The following CSMD2 variants were observed in gnomAD, a reference collection of about 807,000 sequenced individuals.
CSMD2 encodes the protein CUB and Sushi multiple domains 2, also known as CUB and sushi domain-containing protein 2.
A neutral mutation model predicts 398.5 loss-of-function variants in CSMD2; 130 were observed. The observed-to-expected ratio is 0.33, with a 90% CI of 0.28 to 0.38. The LOEUF (loss-of-function observed/expected upper bound fraction) is 0.38. Ranked by LOEUF, CSMD2 falls within the 10% of genes least tolerant of loss-of-function variation. CSMD2 has a pLI of 1.00. For synonymous variants in CSMD2, 1,828 were observed against 1,908.5 expected (o/e 0.96, Z 1.10); for missense variants, 3,829 against 4,764.9 (o/e 0.80, Z 5.78).
At chr1:33,736,208 A>G (rs1352782444) in intron 15 of CSMD2, among the ~76,000 whole-genome samples, 1 of 152,228 alleles carries the variant, frequency 6.6e-6, no homozygotes, top group Non-Finnish European at 1.5e-5. Flanking sequence ...TAACTTTAAA[A>G]TGAAGACCTT....
At position 33,820,474 on chromosome 1, in the gene CSMD2, A is replaced by G; in HGVS notation, c.1194T>C (p.Asp398=). The change falls in exon 8 of 71, where the codon GAT becomes GAC. Residue 398 remains aspartate, a synonymous_variant. Coordinates refer to ENST00000373381, the MANE Select transcript of CSMD2 (RefSeq NM_001281956.2). ...IPERGKRLGS[D]FRLGSSVQFT... ...AATTCCCAAATAGATCTTACCTGAA[A>G]TCCGAGCCTAGTCTTTTGCCCCTTT... is the stretch of plus-strand genomic sequence containing the variant. 6.2e-7 allele frequency: 1 copy of G among 1,607,706 alleles called. No individual in the cohort carries two copies. Among genetic ancestry groups the G allele is most frequent in the East Asian group, 2.2e-5 (1 of 44,598 alleles).
At chr1:34,029,407 T>C (rs1039866563) in intron 3 of CSMD2, among the ~76,000 whole-genome samples, 2 of 152,232 alleles carry the variant, frequency 1.3e-5, no homozygotes. Context: ...CCGATTCAGT[T>C]GCCTGTTGAA....
At chr1:33,583,909 C>T in intron 46 of CSMD2, 79 bp from the exon 47 acceptor site, 1 of 1,186,554 alleles carries the variant, frequency 8.4e-7, no homozygotes, top group East Asian at 2.3e-5. Context: ...TTTCCCAATA[C>T]TAAAGACAAC....
intron 1 of CSMD2, among the ~76,000 whole-genome samples, chr1:34,112,441 C>T (rs920643391): frequency 6.6e-6 from 1 of 152,192 alleles, no homozygotes; most frequent in Non-Finnish European, 1.5e-5. Flanking sequence ...TCTATAGGCA[C>T]TCCAGCCATG....
At chr1:33,729,448 G>C (rs963421583) in intron 15 of CSMD2, among the ~76,000 whole-genome samples, 1 of 148,286 alleles carries the variant, frequency 6.7e-6, no homozygotes, top group African/African-American at 2.5e-5. Flanking sequence ...TTGGAGGGGA[G>C]GATTCTTTTT....
intron 4 of CSMD2, among the ~76,000 whole-genome samples, chr1:33,921,183 G>A (rs1015789536): frequency 6.6e-6 from 1 of 152,084 alleles, no homozygotes; most frequent in Non-Finnish European, 1.5e-5. Context: ...AGCTTCCCAG[G>A]CCCCAGAAAG....
rs143335273 is a variant in CSMD2, at chr1:33,604,258, C to T, written c.6532+1024G>A. ...ACAGCACGTGATGGGCCAACAATTGCGGAATGACCAACTGGTTACGCAGAG... is the reference window on the plus strand; with the variant it reads ...ACAGCACGTGATGGGCCAACAATTGTGGAATGACCAACTGGTTACGCAGAG... On this transcript the variant is annotated intron_variant, in intron 42 of 70. Coordinates refer to ENST00000373381, the MANE Select transcript of CSMD2 (RefSeq NM_001281956.2). Among the ~76,000 whole-genome samples, 40 of 152,282 alleles carry T rather than the reference C, an allele frequency of 2.6e-4. 1 individual carries two copies. Among genetic ancestry groups the T allele is most frequent in the Admixed American group, 1.1e-3 (17 of 15,298 alleles).
At chr1:33,555,706 G>A (rs561357996) in intron 55 of CSMD2, among the ~76,000 whole-genome samples, 3 of 152,148 alleles carry the variant, frequency 2.0e-5, no homozygotes, top group Non-Finnish European at 4.4e-5. Context: ...GACTTGCTAA[G>A]GGCTCAGATG....
intron 5 of CSMD2, among the ~76,000 whole-genome samples, chr1:33,903,720 A>G (rs1352951720): frequency 6.6e-6 from 1 of 152,238 alleles, no homozygotes; most frequent in Admixed American, 6.5e-5. Context: ...ATACGTAAGT[A>G]AGCAAGAAAA....
intron 10 of CSMD2, among the ~76,000 whole-genome samples, chr1:33,808,494 C>T (rs946577711): frequency 3.3e-5 from 5 of 151,894 alleles, no homozygotes; most frequent in Non-Finnish European, 7.4e-5. Context: ...CTAAATAGCT[C>T]ATGCTTAAAA....
chr1:33,637,790 CAGA>C (rs1380901441), intron 29 of CSMD2, among the ~76,000 whole-genome samples: 2 of 152,100 alleles, frequency 1.3e-5, no homozygotes, highest in African/African-American at 4.8e-5. Flanking sequence ...ACAGTCCTTG[CAGA>C]AGGACTCAGA....
intron 32 of CSMD2, among the ~76,000 whole-genome samples, chr1:33,631,360 C>T (rs193062131): frequency 2.2e-4 from 33 of 151,832 alleles, no homozygotes; most frequent in Admixed American, 1.9e-3. Context: ...AGACCAATAA[C>T]CATGGAAGAA....
chr1:33,984,424 A>G (rs1193441929), intron 3 of CSMD2, among the ~76,000 whole-genome samples: 1 of 152,204 alleles, frequency 6.6e-6, no homozygotes, highest in Non-Finnish European at 1.5e-5. Flanking sequence ...GCTGCTTCTC[A>G]GATCACACTC....
Position 33,741,125 on chromosome 1 carries a change from G to A in CSMD2, c.2174-1791C>T, listed in dbSNP as rs540065063. Among the ~76,000 whole-genome samples, 27 of 152,252 alleles carry A rather than the reference G, an allele frequency of 1.8e-4. No homozygotes were observed. The South Asian group carries it at 5.6e-3, about 32-fold the overall frequency. On this transcript the variant is annotated intron_variant, in intron 14 of 70. Coordinates refer to ENST00000373381, the MANE Select transcript of CSMD2 (RefSeq NM_001281956.2). ...TATGTTCCATGTGGAAGAGGAATTA[G>A]CCTTGTTACCGGGAGTTCTAGGGGT... is the stretch of plus-strand genomic sequence containing the variant.
Position 33,572,575 on chromosome 1 carries a change from C to T in CSMD2, c.7693G>A (p.Ala2565Thr), listed in dbSNP as rs376118739. 1.1e-5 allele frequency: 18 copies of T among 1,614,004 alleles called. No individual in the cohort carries two copies. The highest frequency in any genetic ancestry group is 4.0e-5 in the African/African-American group (3 of 74,932). The change falls in exon 50 of 71, where the codon GCT (alanine) becomes ACT (threonine). Residue 2565 changes from alanine to threonine, a missense_variant. Physicochemically the swap from Ala to Thr is moderately conservative, Grantham distance 58. Transcript: ENST00000373381. ...TCCAGACACTCTGCAGTGGCCTCAG[C>T]GCCTGCCTGGAGGTGGTAGCCTTCA... is the stretch of plus-strand genomic sequence containing the variant. ...CSEGYHLQAG[A>T]EATAECLDTG... is the part of the protein sequence containing the mutation.
rs113130903 is a variant in CSMD2, at chr1:33,770,412, G to C, written c.1846+2157C>G. Among the ~76,000 whole-genome samples the C allele has an allele frequency of 3.0e-3, 460 of 152,354 alleles. 7 individuals are homozygous for C. The highest frequency in any genetic ancestry group is 0.011 in the African/African-American group (445 of 41,578). On this transcript the variant is annotated intron_variant, in intron 13 of 70. Transcript: ENST00000373381. Reference sequence around the variant, plus strand: ...ATGAGCTCCCTGAGGGCAATGCCCAGGACCTATAAAAGCATCAGCTTACCT... The same window carrying C: ...ATGAGCTCCCTGAGGGCAATGCCCACGACCTATAAAAGCATCAGCTTACCT...
chr1:33,888,325 TAATAA>T (rs1437354053), intron 5 of CSMD2, among the ~76,000 whole-genome samples: 1 of 152,166 alleles, frequency 6.6e-6, no homozygotes, highest in Non-Finnish European at 1.5e-5. Flanking sequence ...TTCAAAGTAA[TAATAA>T]TGAAGGAGGT....
At chr1:33,855,214 T>A (rs1290019711) in intron 5 of CSMD2, among the ~76,000 whole-genome samples, 1 of 152,168 alleles carries the variant, frequency 6.6e-6, no homozygotes, top group Non-Finnish European at 1.5e-5. Context: ...ACCAGAAGCC[T>A]TTGAAGATCA....
intron 3 of CSMD2, among the ~76,000 whole-genome samples, chr1:34,017,874 G>C (rs908901527): frequency 6.6e-6 from 1 of 152,146 alleles, no homozygotes; most frequent in Admixed American, 6.5e-5. Flanking sequence ...TGTGACATTT[G>C]ATTCATGTTA....
Sources: allele counts gnomAD v4.1 joint callset (sites outside exome capture counted in the v4.1 genomes callset), GRCh38; gene constraint gnomAD v4.1.1; transcripts MANE v1.5; gene names NCBI Gene and HGNC (gene_info 2026-07-23, HGNC 2026-07-21).